TXN: variants seen among roughly 807,000 people sequenced by gnomAD.
TXN encodes the protein ADF.
Under a neutral mutation model 16.5 loss-of-function variants are expected in TXN, and 10 were observed. The ratio of observed to expected loss-of-function variants is 0.61; its 90% CI spans 0.37 to 1.03. The LOEUF is 1.03. Ranked by LOEUF, TXN falls within the 50% of genes least tolerant of loss-of-function variation. The pLI, the probability that TXN is intolerant of heterozygous loss-of-function variation, is 0.01. For synonymous variants in TXN, 35 were observed against 39.4 expected (o/e 0.89, Z 0.42); for missense variants, 71 against 122.5 (o/e 0.58, Z 1.98).
chr9:110,255,689 C>T (rs940929720), intron 1 of TXN, among the ~76,000 whole-genome samples: 31 of 152,232 alleles, frequency 2.0e-4, no homozygotes, highest in African/African-American at 6.8e-4. Context: ...GACCTCACTT[C>T]CTCGCGGTCA....
intron 3 of TXN, 181 bp from the exon 4 acceptor site, chr9:110,245,024 C>G: frequency 2.3e-6 from 1 of 429,732 alleles, no homozygotes; most frequent in Non-Finnish European, 4.3e-6. Flanking sequence ...AAAGCCAAAC[C>G]GGTTATATTC....
At chr9:110,246,788 C>T (rs979064992) in intron 3 of TXN, among the ~76,000 whole-genome samples, 2 of 152,074 alleles carry the variant, frequency 1.3e-5, no homozygotes, top group African/African-American at 2.4e-5. Flanking sequence ...GGCACAAGGA[C>T]AGTAATGGCT....
chr9:110,253,866 T>C (rs945718818), intron 1 of TXN, among the ~76,000 whole-genome samples: 1 of 152,012 alleles, frequency 6.6e-6, no homozygotes, highest in African/African-American at 2.4e-5. Context: ...AATAAATGTC[T>C]CCATCACTGA....
At chr9:110,255,837 T>G (rs1444405389) in intron 1 of TXN, among the ~76,000 whole-genome samples, 1 of 152,184 alleles carries the variant, frequency 6.6e-6, no homozygotes, top group Non-Finnish European at 1.5e-5. Context: ...GTCTCCGGCC[T>G]AGACCCGCTC....
intron 3 of TXN, among the ~76,000 whole-genome samples, chr9:110,249,125 CAAAAAAAAAAAAAA>C (rs71302631): frequency 0.017 from 926 of 53,854 alleles, 22 homozygotes; most frequent in African/African-American, 0.055. Flanking sequence ...AACTCCATCT[CAAAAAAAAAAAAAA>C]AAAAAAAAAA....
chr9:110,252,120 AGG>A (rs1173318986), intron 1 of TXN, among the ~76,000 whole-genome samples: 5 of 150,206 alleles, frequency 3.3e-5, no homozygotes, highest in Non-Finnish European at 7.4e-5. Flanking sequence ...GCCACTCAGG[AGG>A]CTGAGGCAGG....
chr9:110,253,705 T>C (rs1465052634), intron 1 of TXN, among the ~76,000 whole-genome samples: 1 of 152,224 alleles, frequency 6.6e-6, no homozygotes, highest in Non-Finnish European at 1.5e-5. Flanking sequence ...ACTTTTAGCC[T>C]AACTGAACAT....
chr9:110,252,456 T>G (rs1837753663), intron 1 of TXN, among the ~76,000 whole-genome samples: 1 of 152,156 alleles, frequency 6.6e-6, no homozygotes, highest in Non-Finnish European at 1.5e-5. Context: ...TTGTCATTCA[T>G]TAAATGAAAG....
At chr9:110,254,451 G>A (rs1330190333) in intron 1 of TXN, among the ~76,000 whole-genome samples, 2 of 152,232 alleles carry the variant, frequency 1.3e-5, no homozygotes, top group African/African-American at 4.8e-5. Context: ...GAACTCAGGA[G>A]GTGGAGGTTG....
intron 2 of TXN, 27 bp downstream of exon 2, chr9:110,251,331 A>C: frequency 6.6e-7 from 1 of 1,525,202 alleles, no homozygotes; most frequent in Non-Finnish European, 9.1e-7. Context: ...CAAATCTCTT[A>C]CAAAGCAGAC....
rs951838664 is a variant in TXN, at chr9:110,256,064, G to T, written c.24+348C>A. 6.6e-6 allele frequency among the ~76,000 whole-genome samples: 1 copy of T among 152,180 alleles called. No homozygotes were observed. Among genetic ancestry groups the T allele is most frequent in the South Asian group, 2.1e-4 (1 of 4,828 alleles). ...GGGAGGGTGCAGGAGGCGCAGCGTG[G>T]GGACTCCTCACGCTGTCTGCGCTCT... On this transcript the variant is annotated intron_variant, in intron 1 of 4. Coordinates refer to ENST00000374517, the MANE Select transcript of TXN (RefSeq NM_003329.4). The surrounding 1 kb of genome is among the most constrained non-coding windows in gnomAD (Gnocchi z 4.2).
At chr9:110,254,059 GTTTA>G (rs1423321834) in intron 1 of TXN, among the ~76,000 whole-genome samples, 3 of 152,020 alleles carry the variant, frequency 2.0e-5, no homozygotes, top group African/African-American at 7.2e-5. Context: ...TTTTAAAAGT[GTTTA>G]TTTCTTCCTC....
chr9:110,245,114 C>T (rs1206993559), intron 3 of TXN: 1 of 286,528 alleles, frequency 3.5e-6, no homozygotes, highest in African/African-American at 2.1e-5. Flanking sequence ...TTACTAGCAT[C>T]AGATACTCCA....
intron 3 of TXN, among the ~76,000 whole-genome samples, chr9:110,248,685 T>C (rs192456712): frequency 6.6e-6 from 1 of 152,318 alleles, no homozygotes; most frequent in East Asian, 1.9e-4. Flanking sequence ...CTCAAGAGAC[T>C]GACTTTACCT....
At position 110,256,409 on chromosome 9, in the gene TXN, T is replaced by A; in HGVS notation, c.24+3A>T. On this transcript the variant is annotated splice_donor_region_variant and intron_variant, in intron 1 of 4. Transcript: ENST00000374517. This position sits in a 1 kb window ranked among gnomAD's most constrained non-coding sequence, Gnocchi z 4.2. ...CACCCTGGCCTTCCCCGGTAGCGCG[T>A]ACCTTGCTCTCGATCTGCTTCACCA... The A allele has an allele frequency of 6.2e-7, 1 of 1,605,662 alleles. No homozygotes were observed. Among genetic ancestry groups the A allele is most frequent in the Non-Finnish European group, 8.5e-7 (1 of 1,176,142 alleles).
At chr9:110,255,062 A>C (rs914910978) in intron 1 of TXN, among the ~76,000 whole-genome samples, 1 of 152,246 alleles carries the variant, frequency 6.6e-6, no homozygotes, top group Admixed American at 6.5e-5. Context: ...TGACAGTGGC[A>C]ATCAACATAT....
chr9:110,252,949 C>A (rs191654881), intron 1 of TXN, among the ~76,000 whole-genome samples: 2 of 152,152 alleles, frequency 1.3e-5, no homozygotes, highest in East Asian at 3.9e-4. Flanking sequence ...TTAGTGCTGA[C>A]CAAACCCAAA....
At chr9:110,252,140 C>T (rs1481116014) in intron 1 of TXN, among the ~76,000 whole-genome samples, 1 of 144,338 alleles carries the variant, frequency 6.9e-6, no homozygotes, top group South Asian at 2.2e-4. Flanking sequence ...AGGAGAATAG[C>T]TTGAACTCAG....
At position 110,245,662 on chromosome 9, in the gene TXN, T is replaced by A. The variant is rs1414364662; in HGVS notation, c.190-819A>T. Reference sequence around the variant, plus strand: ...TATATATATATATATATATTTTTTTTTTTTTTTTTTTATAGGGACAAGGTC... The same window carrying A: ...TATATATATATATATATATTTTTTTATTTTTTTTTTTATAGGGACAAGGTC... On this transcript the variant is annotated intron_variant, in intron 3 of 4. Transcript: ENST00000374517. Among the ~76,000 whole-genome samples the A allele has an allele frequency of 8.1e-4, 88 of 108,400 alleles. 1 individual carries two copies. The East Asian group carries it at 0.014, about 18-fold the overall frequency. The allele number at this position is 108,400 out of a possible 152,430, so 71.1% of individuals were successfully genotyped here. A position where few individuals can be genotyped will look rare whatever the true frequency, so the allele number is the denominator to read the frequency against.
Sources: allele counts gnomAD v4.1 joint callset (sites outside exome capture counted in the v4.1 genomes callset), GRCh38; gene constraint gnomAD v4.1.1; non-coding constraint Gnocchi (gnomAD v3.1); transcripts MANE v1.5; gene names NCBI Gene and HGNC (gene_info 2026-07-23, HGNC 2026-07-21).